BBX: variants seen among roughly 807,000 people sequenced by gnomAD.
BBX encodes HMG box transcription factor BBX.
A neutral mutation model predicts 100.2 loss-of-function variants in BBX; 30 were observed. The observed-to-expected ratio is 0.30, with a 90% confidence interval of 0.22 to 0.41. BBX has a LOEUF of 0.41. BBX is among the 10% of genes least tolerant of loss of function. The pLI is 1.00. For missense variants in BBX, 1,023 were observed against 1,129.8 expected, an observed-to-expected ratio of 0.91 and a Z score of 1.35; for synonymous variants, 376 against 388.1, an observed-to-expected ratio of 0.97 and a Z score of 0.37.
At chr3:107,784,041 T>G (rs1186320611) in intron 13 of BBX, among the ~76,000 whole-genome samples, 1 of 152,042 alleles carries the variant, frequency 6.6e-6, no homozygotes, top group African/African-American at 2.4e-5. Flanking sequence ...ATTAAGAGCT[T>G]TATTTGTTCA....
chr3:107,564,087 T>G (rs1410083671), intron 2 of BBX, among the ~76,000 whole-genome samples: 1 of 152,164 alleles, frequency 6.6e-6, no homozygotes, highest in Non-Finnish European at 1.5e-5. Flanking sequence ...CCAGTCTGAT[T>G]TGCAGAAAAT....
At chr3:107,644,823 G>A (rs2057420613) in intron 2 of BBX, among the ~76,000 whole-genome samples, 1 of 152,020 alleles carries the variant, frequency 6.6e-6, no homozygotes, top group Admixed American at 6.6e-5. Context: ...TTTGTTAATA[G>A]CACGGGGTGG....
rs753355725 is a variant in BBX, at chr3:107,773,304, A to G, written c.1583A>G (p.Lys528Arg). The change falls in exon 11 of 18, where the codon AAG (lysine) becomes AGG (arginine). Residue 528 changes from lysine to arginine, a missense_variant. Coordinates refer to ENST00000325805, the MANE Select transcript of BBX (RefSeq NM_001142568.3). The surrounding 1 kb of genome is among the most constrained non-coding windows in gnomAD (Gnocchi z 4.1). ...AGCATTTTGGATGCCAAGCCACCAA[A>G]GAAAAAAGTGAAATCAAGAGAGAAG... ...KGSILDAKPP[K>R]KKVKSREKKM... 95 of 1,614,034 alleles carry G rather than the reference A, an allele frequency of 5.9e-5. No homozygotes were observed. Among genetic ancestry groups the G allele is most frequent in the Non-Finnish European group, 7.6e-5 (90 of 1,180,006 alleles).
intron 7 of BBX, among the ~76,000 whole-genome samples, chr3:107,742,101 G>A (rs7624397): frequency 3.9e-5 from 6 of 152,112 alleles, no homozygotes; most frequent in East Asian, 1.9e-4. Flanking sequence ...TTTTTCTTAC[G>A]TTGACAACTT....
intron 3 of BBX, among the ~76,000 whole-genome samples, chr3:107,691,752 G>A (rs2060183963): frequency 6.6e-6 from 1 of 152,108 alleles, no homozygotes; most frequent in Non-Finnish European, 1.5e-5. Flanking sequence ...TAAGCATTTG[G>A]GAAGGTAAAG....
intron 13 of BBX, among the ~76,000 whole-genome samples, chr3:107,786,427 T>G (rs1019403984): frequency 6.6e-6 from 1 of 152,096 alleles, no homozygotes; most frequent in South Asian, 2.1e-4. Context: ...CAAGAGAGTG[T>G]TGTACTAGAA....
At chr3:107,576,392 A>G (rs1346885071) in intron 2 of BBX, among the ~76,000 whole-genome samples, 1 of 152,210 alleles carries the variant, frequency 6.6e-6, no homozygotes. Flanking sequence ...TGAATGAATA[A>G]CTGGCTTTTT....
At chr3:107,555,057 A>G (rs1033367973) in intron 2 of BBX, among the ~76,000 whole-genome samples, 5 of 150,948 alleles carry the variant, frequency 3.3e-5, no homozygotes, top group Non-Finnish European at 5.9e-5. Flanking sequence ...AACAAGAGCG[A>G]AACTCCGTCT....
intron 2 of BBX, among the ~76,000 whole-genome samples, chr3:107,602,631 C>T (rs1392634812): frequency 6.6e-6 from 1 of 152,142 alleles, no homozygotes; most frequent in Non-Finnish European, 1.5e-5. Context: ...TGCTTCTACC[C>T]CTCATGGATG....
rs529903256 is a variant in BBX at position 107,700,902 on chromosome 3, C to T, written c.-9-9550C>T. Among the ~76,000 whole-genome samples the T allele has an allele frequency of 3.7e-3, 561 of 151,522 alleles. 9 individuals are homozygous for T. Among genetic ancestry groups the T allele is most frequent in the African/African-American group, 0.013 (541 of 40,932 alleles). On this transcript the variant is annotated intron_variant, in intron 3 of 17. Transcript: ENST00000325805. ...TGTGAATAGTGCCGCAATAAACATA[C>T]GTGTGCATGTGTCTTTATAGCAGCA...
At chr3:107,802,836 T>C (rs2070660518) in intron 17 of BBX, among the ~76,000 whole-genome samples, 1 of 152,102 alleles carries the variant, frequency 6.6e-6, no homozygotes, top group Non-Finnish European at 1.5e-5. Context: ...TACGCCAAGC[T>C]CTTGCCTTGT....
At chr3:107,609,345 T>A (rs1425646987) in intron 2 of BBX, among the ~76,000 whole-genome samples, 2 of 152,176 alleles carry the variant, frequency 1.3e-5, no homozygotes, top group African/African-American at 4.8e-5. Context: ...CCTATACTTT[T>A]CTTTTTTTGA....
intron 3 of BBX, among the ~76,000 whole-genome samples, chr3:107,695,058 T>A (rs1429115083): frequency 6.7e-6 from 1 of 148,470 alleles, no homozygotes; most frequent in African/African-American, 2.5e-5. Flanking sequence ...TTATCATTTT[T>A]TATTGTGTCT....
At chr3:107,785,023 C>T (rs1246516827) in intron 13 of BBX, among the ~76,000 whole-genome samples, 1 of 151,508 alleles carries the variant, frequency 6.6e-6, no homozygotes, top group Non-Finnish European at 1.5e-5. Context: ...TAAAACAATA[C>T]TATAAACAAC....
At chr3:107,704,330 G>T (rs2061263205) in intron 3 of BBX, among the ~76,000 whole-genome samples, 1 of 152,226 alleles carries the variant, frequency 6.6e-6, no homozygotes, top group African/African-American at 2.4e-5. Flanking sequence ...AGAAACTACT[G>T]TGCAGTAGGC....
intron 3 of BBX, among the ~76,000 whole-genome samples, chr3:107,656,131 T>C (rs2058127221): frequency 6.6e-6 from 1 of 152,186 alleles, no homozygotes; most frequent in African/African-American, 2.4e-5. Flanking sequence ...AAATTTTCCT[T>C]CATTTCAAGT....
chr3:107,552,197 A>G (rs972203277), intron 2 of BBX, among the ~76,000 whole-genome samples: 1 of 151,720 alleles, frequency 6.6e-6, no homozygotes, highest in Non-Finnish European at 1.5e-5. Context: ...ACAAAAAGTT[A>G]GCCAGGCATG....
chr3:107,791,380 T>G, intron 15 of BBX, 81 bp downstream of exon 15: 1 of 1,186,960 alleles, frequency 8.4e-7, no homozygotes, highest in South Asian at 1.3e-5. Flanking sequence ...AAAGGTATAA[T>G]TTATATAGGT....
intron 5 of BBX, among the ~76,000 whole-genome samples, chr3:107,726,764 G>A (rs2062975735): frequency 6.6e-6 from 1 of 151,982 alleles, no homozygotes; most frequent in South Asian, 2.1e-4. Flanking sequence ...AGTAAACTGT[G>A]GACTGTAAGC....
Sources: gnomAD v4.1 joint callset for allele counts (sites outside exome capture counted in the v4.1 genomes callset) on GRCh38, gnomAD v4.1.1 for gene constraint, Gnocchi (gnomAD v3.1) non-coding constraint, MANE v1.5 for transcripts, NCBI Gene and HGNC (gene_info 2026-07-23, HGNC 2026-07-21) for gene names.